The following GALK2 variants were observed in gnomAD, a reference collection of about 807,000 sequenced individuals.
GALK2 encodes N-acetylgalactosamine kinase.
A neutral mutation model predicts 52.4 loss-of-function variants in GALK2; 36 were observed. The ratio of observed to expected loss-of-function variants is 0.69; its 90% CI spans 0.53 to 0.91. GALK2 has a LOEUF of 0.91. Ranked by LOEUF, GALK2 falls within the 40% of genes least tolerant of loss-of-function variation. The pLI, the probability that GALK2 is intolerant of heterozygous loss-of-function variation, is 0.00. For synonymous variants in GALK2, 176 were observed against 199.1 expected, an observed-to-expected ratio of 0.88 and a Z score of 0.98; for missense variants, 579 against 559.1, an observed-to-expected ratio of 1.04 and a Z score of -0.36.
intron 1 of GALK2, among the ~76,000 whole-genome samples, chr15:49,189,487 T>A (rs949231944): frequency 6.6e-6 from 1 of 152,190 alleles, no homozygotes; most frequent in African/African-American, 2.4e-5. Flanking sequence ...ATTTGCTTTT[T>A]TCCTATATAT....
intron 2 of GALK2, among the ~76,000 whole-genome samples, chr15:49,207,412 G>A (rs2088388669): frequency 6.6e-6 from 1 of 152,122 alleles, no homozygotes; most frequent in African/African-American, 2.4e-5. Context: ...GTGGAATACT[G>A]TGAAAAGGAT....
intron 7 of GALK2, among the ~76,000 whole-genome samples, chr15:49,286,691 G>A (rs1464505663): frequency 2.0e-5 from 3 of 152,172 alleles, no homozygotes; most frequent in African/African-American, 4.8e-5. Context: ...TATGTGCAGA[G>A]AAACAGTTCT....
At chr15:49,353,070 G>A (rs991250988) in intron 3 of GALK2, among the ~76,000 whole-genome samples, 1 of 152,156 alleles carries the variant, frequency 6.6e-6, no homozygotes, top group Non-Finnish European at 1.5e-5. Flanking sequence ...TGGTTCTATG[G>A]TGAGTTGATG....
upstream of GALK2, among the ~76,000 whole-genome samples, chr15:49,167,887 T>A (rs2084874139): frequency 6.6e-6 from 1 of 152,174 alleles, no homozygotes; most frequent in South Asian, 2.1e-4. Flanking sequence ...CTCTAGTAGT[T>A]TGGACAGGTT....
intron 3 of GALK2, among the ~76,000 whole-genome samples, chr15:49,357,781 C>CA (rs925412132): frequency 5.9e-5 from 9 of 151,748 alleles, no homozygotes; most frequent in African/African-American, 1.7e-4. Flanking sequence ...AGAGACACAA[C>CA]AAAAAAAGAG....
intron 8 of GALK2, among the ~76,000 whole-genome samples, chr15:49,294,229 C>A (rs958789584): frequency 9.9e-5 from 15 of 151,886 alleles, no homozygotes; most frequent in Non-Finnish European, 1.9e-4. Flanking sequence ...AGTTAGCAAC[C>A]AGCCAAAAGT....
At chr15:49,351,760 TA>T (rs11334538) in intron 3 of GALK2, among the ~76,000 whole-genome samples, 90,497 of 151,910 alleles carry the variant, frequency 0.6, 27,333 homozygotes, top group Non-Finnish European at 0.63. Context: ...GCTGACCCTA[TA>T]AGGGAGGTCT....
intron 5 of GALK2, among the ~76,000 whole-genome samples, chr15:49,255,722 G>A (rs1279163033): frequency 6.6e-6 from 1 of 152,004 alleles, no homozygotes; most frequent in Non-Finnish European, 1.5e-5. Context: ...CCTTTATAAA[G>A]GTGGAGTTTT....
chr15:49,337,990 A>C (rs981570508), intron 3 of GALK2, among the ~76,000 whole-genome samples: 2 of 152,164 alleles, frequency 1.3e-5, no homozygotes, highest in African/African-American at 4.8e-5. Flanking sequence ...TTTATAGTAG[A>C]ATGATTTATA....
chr15:49,196,339 T>G (rs533841870), intron 1 of GALK2, among the ~76,000 whole-genome samples: 1 of 152,176 alleles, frequency 6.6e-6, no homozygotes, highest in Non-Finnish European at 1.5e-5. Flanking sequence ...GTTATCATTA[T>G]TTTTAGATTC....
At chr15:49,222,652 T>G (rs1267198507) in intron 3 of GALK2, among the ~76,000 whole-genome samples, 2 of 152,220 alleles carry the variant, frequency 1.3e-5, no homozygotes, top group Non-Finnish European at 2.9e-5. Context: ...GAGATGATTA[T>G]GTGGTTTCTG....
rs1566986724 is a variant in GALK2 at position 49,258,823 on chromosome 15, TGTGTGTGAGA to T, written c.504+19458_504+19467del. On this transcript the variant is annotated intron_variant, in intron 5 of 9. Coordinates refer to ENST00000560031, the MANE Select transcript of GALK2 (RefSeq NM_002044.4). The stretch of plus-strand genomic sequence containing the variant: ...GTGTGTGTGTGTGTGTGTGTGTGTG[TGTGTGTGAGA>T]GAGAGAGAGAGAGAGAGAGAGATGG... Among the ~76,000 whole-genome samples the T allele has an allele frequency of 7.9e-5, 11 of 140,110 alleles. 1 individual carries two copies. Among genetic ancestry groups the T allele is most frequent in the East Asian group, 4.1e-4 (2 of 4,824 alleles). The allele number at this position is 140,110 out of a possible 152,430, so 91.9% of individuals were successfully genotyped here. A position where few individuals can be genotyped will look rare whatever the true frequency, so the allele number is the denominator to read the frequency against.
chr15:49,195,132 C>G, intron 1 of GALK2: 1 of 449,502 alleles, frequency 2.2e-6, no homozygotes, highest in Non-Finnish European at 4.5e-6. Context: ...GTGCAAGTGG[C>G]ACGATCTTGG....
At chr15:49,192,483 A>ATGTG (rs1263833607) in intron 1 of GALK2, among the ~76,000 whole-genome samples, 200 of 65,112 alleles carry the variant, frequency 3.1e-3, no homozygotes, top group African/African-American at 0.012. Flanking sequence ...TTATATATAT[A>ATGTG]TGTATATATA....
At chr15:49,200,519 G>C (rs1821539253) in intron 1 of GALK2, among the ~76,000 whole-genome samples, 1 of 152,108 alleles carries the variant, frequency 6.6e-6, no homozygotes, top group East Asian at 1.9e-4. Flanking sequence ...CTTACAAGAA[G>C]GAAAAACAGA....
chr15:49,174,985 G>A (rs2085342445), intron 1 of GALK2, among the ~76,000 whole-genome samples: 3 of 152,172 alleles, frequency 2.0e-5, no homozygotes, highest in South Asian at 2.1e-4. Context: ...TAGGGAAGAG[G>A]AAGTTTGGGT....
At position 49,329,854 on chromosome 15, in the gene GALK2, A is replaced by G. The variant is rs2038281167; in HGVS notation, c.*1695A>G. On this transcript the variant is annotated 3_prime_UTR_variant, in exon 10 of 10. Coordinates refer to ENST00000560031, the MANE Select transcript of GALK2 (RefSeq NM_002044.4). ...CTGTCATTGTTTTGCTGTTCCATTT[A>G]CAATTTTCACCAGGTGATTTCTTCT... The G allele has an allele frequency of 1.1e-5, 8 of 730,622 alleles. No individual in the cohort carries two copies. Among genetic ancestry groups the G allele is most frequent in the Non-Finnish European group, 1.3e-5 (8 of 598,762 alleles). 45.3% of individuals were successfully genotyped at this position (730,622 alleles called of 1,614,324 possible). A position where few individuals can be genotyped will look rare whatever the true frequency, so the allele number is the denominator to read the frequency against.
chr15:49,192,451 A>G (rs1595587259), intron 1 of GALK2, among the ~76,000 whole-genome samples: 1 of 141,606 alleles, frequency 7.1e-6, no homozygotes, highest in Admixed American at 7.3e-5. Context: ...TTTTGCGATT[A>G]TAAACTATTC....
chr15:49,293,387 A>G (rs916383861), intron 8 of GALK2, among the ~76,000 whole-genome samples: 2 of 152,242 alleles, frequency 1.3e-5, no homozygotes, highest in Non-Finnish European at 2.9e-5. Context: ...ATTTAATTTG[A>G]TGAAGCTTGA....
Sources: gnomAD v4.1 joint callset for allele counts (sites outside exome capture counted in the v4.1 genomes callset) on GRCh38, gnomAD v4.1.1 for gene constraint, MANE v1.5 for transcripts, NCBI Gene and HGNC (gene_info 2026-07-23, HGNC 2026-07-21) for gene names.